The following MAP3K20 variants were observed in gnomAD, a reference collection of about 807,000 sequenced individuals.
The protein encoded by MAP3K20 is HCCS-4.
A neutral mutation model predicts 85.7 loss-of-function variants in MAP3K20; 40 were observed. The ratio of observed to expected loss-of-function variants is 0.47; its 90% CI spans 0.36 to 0.61. The LOEUF is 0.61. MAP3K20 is among the 20% of genes least tolerant of loss of function. MAP3K20 has a pLI of 0.00. For synonymous variants in MAP3K20, 325 were observed against 327.7 expected (o/e 0.99, Z 0.09); for missense variants, 817 against 961.7 (o/e 0.85, Z 1.99).
intron 2 of MAP3K20, among the ~76,000 whole-genome samples, chr2:173,126,111 A>G (rs1457521059): frequency 6.6e-6 from 1 of 152,232 alleles, no homozygotes; most frequent in Non-Finnish European, 1.5e-5. Flanking sequence ...ATGGGACTAT[A>G]ACATGTTTAA....
intron 11 of MAP3K20, among the ~76,000 whole-genome samples, chr2:173,227,698 A>C (rs1292815399): frequency 6.6e-6 from 1 of 151,790 alleles, no homozygotes; most frequent in Non-Finnish European, 1.5e-5. Flanking sequence ...TATTCTATTC[A>C]AAAAAATACT....
intron 2 of MAP3K20, among the ~76,000 whole-genome samples, chr2:173,131,720 G>A (rs1688623240): frequency 6.6e-6 from 1 of 152,170 alleles, no homozygotes; most frequent in South Asian, 2.1e-4. Context: ...AATGGTAGGA[G>A]GCAAGTTCTC....
chr2:173,096,927 G>A lies in MAP3K20; in HGVS notation c.159+5737G>A, dbSNP rs534576256. Among the ~76,000 whole-genome samples, 4 of 152,298 alleles carry A rather than the reference G, an allele frequency of 2.6e-5. No homozygotes were observed. The South Asian group carries it at 8.3e-4, about 32-fold the overall frequency. ...TGTATCTTTTTGATGAATTCCAGATGAGCTGGGATCAAATTGAACTGCTTA... is the reference window on the plus strand; with the variant it reads ...TGTATCTTTTTGATGAATTCCAGATAAGCTGGGATCAAATTGAACTGCTTA... On this transcript the variant is annotated intron_variant, in intron 2 of 19. Transcript: ENST00000375213.
intron 2 of MAP3K20, among the ~76,000 whole-genome samples, chr2:173,116,402 T>C (rs1223683102): frequency 1.3e-5 from 2 of 152,212 alleles, no homozygotes; most frequent in African/African-American, 4.8e-5. Flanking sequence ...TCTCATGTCC[T>C]TTGGCCAGCA....
chr2:173,177,393 A>G (rs1425492436), intron 3 of MAP3K20, among the ~76,000 whole-genome samples: 2 of 152,202 alleles, frequency 1.3e-5, no homozygotes, highest in East Asian at 3.9e-4. Flanking sequence ...TTTGGAAATT[A>G]GGCAACACAC....
intron 18 of MAP3K20, among the ~76,000 whole-genome samples, chr2:173,262,253 T>C (rs895584815): frequency 2.0e-5 from 3 of 152,122 alleles, no homozygotes; most frequent in Admixed American, 1.3e-4. Flanking sequence ...TCTGTGAGTG[T>C]GGCATTTTGA....
intron 17 of MAP3K20, among the ~76,000 whole-genome samples, chr2:173,260,292 C>T (rs1488393057): frequency 6.6e-6 from 1 of 152,154 alleles, no homozygotes; most frequent in Non-Finnish European, 1.5e-5. Context: ...CACTTGAACC[C>T]AGGAGGAAGA....
chr2:173,119,858 G>C (rs1688230224), intron 2 of MAP3K20, among the ~76,000 whole-genome samples: 1 of 152,134 alleles, frequency 6.6e-6, no homozygotes, highest in South Asian at 2.1e-4. Flanking sequence ...TTTCTTCTCA[G>C]ATTTCATTAC....
chr2:173,170,828 C>G (rs79711603), intron 3 of MAP3K20, among the ~76,000 whole-genome samples: 167 of 152,194 alleles, frequency 1.1e-3, no homozygotes, highest in African/African-American at 4.0e-3. Flanking sequence ...CCATGGTCAC[C>G]TAGCTAGTGG....
At chr2:173,090,330 TG>T (rs1192433883) in intron 1 of MAP3K20, among the ~76,000 whole-genome samples, 1 of 152,206 alleles carries the variant, frequency 6.6e-6, no homozygotes, top group Non-Finnish European at 1.5e-5. Flanking sequence ...TTAACGTCCT[TG>T]GCAGTATTCT....
intron 9 of MAP3K20, among the ~76,000 whole-genome samples, chr2:173,205,110 A>AT (rs1345717389): frequency 5.1e-5 from 7 of 137,550 alleles, no homozygotes; most frequent in Non-Finnish European, 7.6e-5. Flanking sequence ...CTCAAAAAAA[A>AT]AAAAAAAAAA....
intron 2 of MAP3K20, among the ~76,000 whole-genome samples, chr2:173,148,571 C>G (rs1348882863): frequency 1.3e-5 from 2 of 152,108 alleles, no homozygotes; most frequent in Admixed American, 6.5e-5. Context: ...TCTAGGACAG[C>G]AGGAAAGACA....
At chr2:173,250,886 G>A (rs1473622726) in intron 16 of MAP3K20, among the ~76,000 whole-genome samples, 1 of 152,030 alleles carries the variant, frequency 6.6e-6, no homozygotes, top group African/African-American at 2.4e-5. Flanking sequence ...AAGAAGAGAA[G>A]CAAATTAACC....
In MAP3K20 at chr2:173,126,250, C is replaced by T. The variant is rs542196068; in HGVS notation, c.159+35060C>T. 5.9e-5 allele frequency among the ~76,000 whole-genome samples: 9 copies of T among 152,048 alleles called. No homozygotes were observed. In the South Asian group the frequency reaches 1.0e-3, roughly 18 times the overall value. ...TTTAGAGTTTCATATTATATAGTTGCGGCAGAGAAAAGAATGTCTGACGTT... is the reference window on the plus strand; with the variant it reads ...TTTAGAGTTTCATATTATATAGTTGTGGCAGAGAAAAGAATGTCTGACGTT... On this transcript the variant is annotated intron_variant, in intron 2 of 19. Coordinates refer to ENST00000375213, the MANE Select transcript of MAP3K20 (RefSeq NM_016653.3).
chr2:173,173,950 A>G (rs991014259), intron 3 of MAP3K20, among the ~76,000 whole-genome samples: 2 of 152,240 alleles, frequency 1.3e-5, no homozygotes, highest in Admixed American at 6.5e-5. Context: ...TGAAACAAAT[A>G]CTTTATACTA....
In MAP3K20 at chr2:173,085,784, A is replaced by ATTTTTTTTTTT. The variant is rs61431056; in HGVS notation, c.-34-5195_-34-5185dup. On this transcript the variant is annotated intron_variant, in intron 1 of 19. Coordinates refer to ENST00000375213, the MANE Select transcript of MAP3K20 (RefSeq NM_016653.3). ...AAATTGCCTTTTTTGTGTAAAAGCA[A>ATTTTTTTTTTT]TTTTTTTTTTTTTTTTTTTTTTTTT... is the stretch of plus-strand genomic sequence containing the variant. Among the ~76,000 whole-genome samples the ATTTTTTTTTTT allele has an allele frequency of 2.8e-4, 21 of 73,760 alleles. 2 individuals carry two copies. The highest frequency in any genetic ancestry group is 3.1e-4 in the Non-Finnish European group (13 of 42,066). The allele number at this position is 73,760 out of a possible 152,430, so 48.4% of individuals were successfully genotyped here. A position where few individuals can be genotyped will look rare whatever the true frequency, so the allele number is the denominator to read the frequency against.
chr2:173,227,173 A>G (rs1415536883), intron 11 of MAP3K20: 5 of 975,366 alleles, frequency 5.1e-6, no homozygotes, highest in Non-Finnish European at 4.9e-6. Context: ...TGCTGTGTAT[A>G]TAAGATCCCT....
At chr2:173,143,959 A>C (rs2106217222) in intron 2 of MAP3K20, among the ~76,000 whole-genome samples, 1 of 152,102 alleles carries the variant, frequency 6.6e-6, no homozygotes, top group African/African-American at 2.4e-5. Context: ...GACATACAAA[A>C]CCTCTATGCT....
chr2:173,155,494 T>TGGGTGAATGTTGAATGGA (rs1689439134), intron 2 of MAP3K20, among the ~76,000 whole-genome samples: 2 of 152,326 alleles, frequency 1.3e-5, no homozygotes, highest in South Asian at 4.1e-4. Context: ...AAATATTTGT[T>TGGGTGAATGTTGAATGGA]GGGTGAATGT....
Sources: gnomAD v4.1 joint callset for allele counts (sites outside exome capture counted in the v4.1 genomes callset) on GRCh38, gnomAD v4.1.1 for gene constraint, MANE v1.5 for transcripts, NCBI Gene and HGNC (gene_info 2026-07-23, HGNC 2026-07-21) for gene names.